USH2A: variants seen among roughly 807,000 people sequenced by gnomAD.
USH2A encodes the protein usherin.
A neutral mutation model predicts 538.9 loss-of-function variants in USH2A; 443 were observed. The ratio of observed to expected loss-of-function variants is 0.82; its 90% CI spans 0.76 to 0.89. USH2A has a LOEUF of 0.89. Ranked by LOEUF, USH2A falls within the 40% of genes least tolerant of loss-of-function variation. USH2A has a pLI of 0.00. For synonymous variants in USH2A, 2,413 were observed against 2,273.5 expected (o/e 1.06, Z -1.75); for missense variants, 6,633 against 6,324.8 (o/e 1.05, Z -1.65).
intron 21 of USH2A, among the ~76,000 whole-genome samples, chr1:216,173,476 C>T (rs1206465670): frequency 6.6e-6 from 1 of 152,142 alleles, no homozygotes; most frequent in Non-Finnish European, 1.5e-5. Flanking sequence ...CCTGCCTTGT[C>T]CTTCAAATGG....
intron 49 of USH2A, among the ~76,000 whole-genome samples, chr1:215,811,615 A>C (rs200924921): frequency 6.8e-6 from 1 of 147,102 alleles, no homozygotes; most frequent in African/African-American, 2.5e-5. Context: ...CCTAAAAAAA[A>C]CCCTAGGCTG....
intron 55 of USH2A, among the ~76,000 whole-genome samples, chr1:215,773,161 A>G (rs1279154108): frequency 6.6e-6 from 1 of 152,188 alleles, no homozygotes; most frequent in Non-Finnish European, 1.5e-5. Context: ...AGCTGCAGAC[A>G]TAGGTAAACA....
chr1:215,816,907 A>G, intron 48 of USH2A, 90 bp downstream of exon 48: 1 of 1,340,806 alleles, frequency 7.5e-7, no homozygotes, highest in Non-Finnish European at 1.1e-6. Flanking sequence ...AATATTGATC[A>G]TAATACATCA....
At chr1:216,286,917 CAGGA>C (rs2036897672) in intron 11 of USH2A, among the ~76,000 whole-genome samples, 1 of 151,958 alleles carries the variant, frequency 6.6e-6, no homozygotes, top group South Asian at 2.1e-4. Flanking sequence ...AGAAAAACAA[CAGGA>C]AGGAAGATTT....
intron 40 of USH2A, 66 bp downstream of exon 40, chr1:215,900,009 A>T: frequency 1.2e-6 from 2 of 1,610,172 alleles, no homozygotes; most frequent in Non-Finnish European, 1.7e-6. Flanking sequence ...GCTTTGGAAA[A>T]AATTGAAGAC....
chr1:215,770,259 A>T (rs1413836125), intron 55 of USH2A, among the ~76,000 whole-genome samples: 1 of 152,196 alleles, frequency 6.6e-6, no homozygotes, highest in Non-Finnish European at 1.5e-5. Flanking sequence ...TAGAGCTAAC[A>T]GTATTTAAGT....
chr1:216,195,434 T>C (rs899349465), intron 19 of USH2A, among the ~76,000 whole-genome samples: 1 of 152,076 alleles, frequency 6.6e-6, no homozygotes, highest in Non-Finnish European at 1.5e-5. Flanking sequence ...TGGCTGCAAG[T>C]CTAAATGGTA....
At chr1:216,153,388 C>T (rs1194747855) in intron 21 of USH2A, among the ~76,000 whole-genome samples, 1 of 152,192 alleles carries the variant, frequency 6.6e-6, no homozygotes, top group African/African-American at 2.4e-5. Flanking sequence ...CATGCTCCCT[C>T]TCCTGCAAGG....
chr1:215,673,059 A>G (rs2820672), intron 63 of USH2A, among the ~76,000 whole-genome samples: 150,664 of 152,326 alleles, frequency 0.99, 74,532 homozygotes, highest in East Asian at 1. Flanking sequence ...GCTACAGTGG[A>G]CCTTTTTAAT....
intron 47 of USH2A, among the ~76,000 whole-genome samples, chr1:215,827,835 T>A (rs573844373): frequency 3.9e-4 from 60 of 152,318 alleles, no homozygotes; most frequent in Middle Eastern, 6.8e-3. Flanking sequence ...ACACTCTCCC[T>A]ATTAAAGCAA....
Position 215,673,137 on chromosome 1 carries a change from C to T in USH2A, c.13811+963G>A, listed in dbSNP as rs116000581. Among the ~76,000 whole-genome samples, 1,436 of 152,132 alleles carry T rather than the reference C, an allele frequency of 9.4e-3. 23 individuals carry two copies. The highest frequency in any genetic ancestry group is 0.033 in the African/African-American group (1,355 of 41,482). On this transcript the variant is annotated intron_variant, in intron 63 of 71. Coordinates refer to ENST00000307340, the MANE Select transcript of USH2A (RefSeq NM_206933.4). ...GCATGTGGATTAGCTGCAGAGGATACCTGAGGAAGTTTTAATTACTGTTTA... is the reference window on the plus strand; with the variant it reads ...GCATGTGGATTAGCTGCAGAGGATATCTGAGGAAGTTTTAATTACTGTTTA...
chr1:215,815,400 C>T (rs959967976), intron 48 of USH2A, among the ~76,000 whole-genome samples: 2 of 102,466 alleles, frequency 2.0e-5, no homozygotes, highest in Non-Finnish European at 3.8e-5. Flanking sequence ...AAAGGTGACC[C>T]GTATGATTTT....
chr1:216,118,642 A>G (rs2033062718), intron 21 of USH2A, among the ~76,000 whole-genome samples: 1 of 152,228 alleles, frequency 6.6e-6, no homozygotes, highest in Non-Finnish European at 1.5e-5. Context: ...TCAGAGTTTA[A>G]AAAGACAATA....
At chr1:216,008,918 G>A (rs905675823) in intron 32 of USH2A, among the ~76,000 whole-genome samples, 6 of 152,054 alleles carry the variant, frequency 3.9e-5, no homozygotes, top group East Asian at 1.9e-4. Flanking sequence ...TTGCAGGGAC[G>A]CCTCTCTGAT....
At chr1:216,346,923 TAA>T (rs1041021461) in intron 4 of USH2A, among the ~76,000 whole-genome samples, 8 of 152,158 alleles carry the variant, frequency 5.3e-5, no homozygotes, top group South Asian at 2.1e-4. Context: ...TTAAAAATAA[TAA>T]GTGTCTAAAT....
At chr1:216,035,663 C>T (rs2029898454) in intron 32 of USH2A, among the ~76,000 whole-genome samples, 1 of 152,154 alleles carries the variant, frequency 6.6e-6, no homozygotes, top group South Asian at 2.1e-4. Context: ...TCCTAAGCTA[C>T]AGGAAAGCCT....
chr1:215,640,873 A>C, intron 67 of USH2A, 139 bp from the exon 68 acceptor site: 7 of 938,518 alleles, frequency 7.5e-6, no homozygotes, highest in Non-Finnish European at 9.5e-6. Flanking sequence ...GAAAACCAAC[A>C]TTGCTAGAAT....
chr1:215,743,118 AT>A, intron 59 of USH2A, 58 bp downstream of exon 59: 3 of 1,583,090 alleles, frequency 1.9e-6, no homozygotes, highest in Non-Finnish European at 1.7e-6. Context: ...TTTTAATGAA[AT>A]TTTTTAATGA....
At chr1:216,336,729 C>G (rs145999249) in intron 4 of USH2A, among the ~76,000 whole-genome samples, 1 of 151,338 alleles carries the variant, frequency 6.6e-6, no homozygotes, top group South Asian at 2.1e-4. Context: ...TTTTAAAGCA[C>G]CTGAAAACAT....
Sources: allele counts gnomAD v4.1 joint callset (sites outside exome capture counted in the v4.1 genomes callset), GRCh38; gene constraint gnomAD v4.1.1; transcripts MANE v1.5; gene names NCBI Gene and HGNC (gene_info 2026-07-23, HGNC 2026-07-21).